Variants in DENND1A observed in about 807,000 individuals in gnomAD.
The protein encoded by DENND1A is DENN domain-containing protein 1A.
A neutral mutation model predicts 113.7 loss-of-function variants in DENND1A; 51 were observed. That is an observed-to-expected ratio of 0.45 (90% CI 0.36 to 0.57). The LOEUF (loss-of-function observed/expected upper bound fraction) is 0.57, where lower values mean the gene tolerates loss of function less well. Among genes scored for constraint, DENND1A ranks in the 20% least tolerant of loss-of-function variants. The pLI is 0.00. For missense variants in DENND1A, 1,258 were observed against 1,395.9 expected (o/e 0.90, Z 1.57); for synonymous variants, 565 against 570.8 (o/e 0.99, Z 0.14).
intron 14 of DENND1A, 150 bp downstream of exon 14, chr9:123,457,643 T>A (rs2048228106): frequency 1.3e-6 from 1 of 789,038 alleles, no homozygotes; most frequent in Admixed American, 2.6e-5. Context: ...GGTCAGTGAC[T>A]GCTCTCTTCA....
chr9:123,641,714 C>T (rs1037787610), intron 9 of DENND1A, among the ~76,000 whole-genome samples: 6 of 152,250 alleles, frequency 3.9e-5, no homozygotes, highest in African/African-American at 1.4e-4. Context: ...ATGAGTCTAA[C>T]GATGCAAAAT....
chr9:123,427,541 G>T (rs1040091660), intron 19 of DENND1A, among the ~76,000 whole-genome samples: 9 of 152,162 alleles, frequency 5.9e-5, no homozygotes, highest in Non-Finnish European at 1.2e-4. Flanking sequence ...CTGGTGCCCT[G>T]GTTAATGTCT....
At chr9:123,629,597 G>C (rs774291764) in intron 10 of DENND1A, among the ~76,000 whole-genome samples, 19 of 152,220 alleles carry the variant, frequency 1.2e-4, no homozygotes, top group South Asian at 2.1e-4. Context: ...TTTTACAGAT[G>C]AGTAAACAAA....
intron 13 of DENND1A, among the ~76,000 whole-genome samples, chr9:123,465,436 T>C (rs2048869896): frequency 6.6e-6 from 1 of 151,972 alleles, no homozygotes; most frequent in Admixed American, 6.6e-5. Context: ...AAGACCTGCA[T>C]TTGAACCTTG....
At chr9:123,909,448 C>T (rs540439938) in intron 1 of DENND1A, among the ~76,000 whole-genome samples, 1 of 149,744 alleles carries the variant, frequency 6.7e-6, no homozygotes, top group Non-Finnish European at 1.5e-5. Context: ...AAATTATAAT[C>T]GTCTCAAGAG....
chr9:123,763,016 G>A (rs1036471485), intron 4 of DENND1A, among the ~76,000 whole-genome samples: 6 of 152,054 alleles, frequency 3.9e-5, no homozygotes, highest in Non-Finnish European at 5.9e-5. Flanking sequence ...ACATTAAGCT[G>A]CTAGATAAAG....
chr9:123,673,624 G>T (rs551626256), intron 6 of DENND1A, among the ~76,000 whole-genome samples: 2 of 152,276 alleles, frequency 1.3e-5, no homozygotes, highest in East Asian at 3.9e-4. Flanking sequence ...TATTGCTCAT[G>T]CCAGGCCCTT....
intron 13 of DENND1A, among the ~76,000 whole-genome samples, chr9:123,514,369 A>G (rs752962922): frequency 1.9e-4 from 29 of 152,112 alleles, no homozygotes; most frequent in Non-Finnish European, 3.2e-4. Context: ...GTGGGTTGGC[A>G]TGGGATGTTG....
At chr9:123,693,018 C>G (rs987832259) in intron 5 of DENND1A, among the ~76,000 whole-genome samples, 1 of 152,210 alleles carries the variant, frequency 6.6e-6, no homozygotes, top group African/African-American at 2.4e-5. Flanking sequence ...GAAGTATGGT[C>G]TCTGGTTCCA....
chr9:123,883,699 A>T (rs1489556016), intron 1 of DENND1A, among the ~76,000 whole-genome samples: 1 of 152,204 alleles, frequency 6.6e-6, no homozygotes, highest in Non-Finnish European at 1.5e-5. Flanking sequence ...AATTTCAAAG[A>T]AAAAAGGCAT....
chr9:123,637,972 C>T (rs1405170657), intron 9 of DENND1A, among the ~76,000 whole-genome samples: 1 of 151,026 alleles, frequency 6.6e-6, no homozygotes, highest in Admixed American at 6.6e-5. Flanking sequence ...CACACACACA[C>T]ACCAAAAAAA....
intron 5 of DENND1A, among the ~76,000 whole-genome samples, chr9:123,715,391 C>T (rs954474874): frequency 6.6e-6 from 1 of 152,114 alleles, no homozygotes; most frequent in Non-Finnish European, 1.5e-5. Flanking sequence ...AGACTGTGAG[C>T]TGCCTGAAGA....
At chr9:123,595,793 G>A (rs1390681573) in intron 11 of DENND1A, among the ~76,000 whole-genome samples, 5 of 152,108 alleles carry the variant, frequency 3.3e-5, no homozygotes, top group South Asian at 2.1e-4. Flanking sequence ...TCAAGCAGAC[G>A]CTCGGTCAGT....
At chr9:123,774,259 G>C (rs1002506288) in intron 3 of DENND1A, among the ~76,000 whole-genome samples, 20 of 152,224 alleles carry the variant, frequency 1.3e-4, no homozygotes, top group African/African-American at 4.1e-4. Context: ...AACTCAAGTT[G>C]AAAGTTAAAA....
chr9:123,506,868 A>G (rs1408428662), intron 13 of DENND1A, among the ~76,000 whole-genome samples: 1 of 152,116 alleles, frequency 6.6e-6, no homozygotes, highest in Non-Finnish European at 1.5e-5. Context: ...GAACCCAGAG[A>G]TGGCTCAAAA....
At chr9:123,530,641 T>C (rs895974467) in intron 13 of DENND1A, among the ~76,000 whole-genome samples, 1 of 152,124 alleles carries the variant, frequency 6.6e-6, no homozygotes, top group Non-Finnish European at 1.5e-5. Flanking sequence ...GAAGATAAAA[T>C]TGCAATAACA....
chr9:123,675,515 C>G (rs1375640705), intron 6 of DENND1A, among the ~76,000 whole-genome samples: 1 of 152,072 alleles, frequency 6.6e-6, no homozygotes, highest in African/African-American at 2.4e-5. Flanking sequence ...TCAAATTGCT[C>G]AGAACGTTCA....
intron 13 of DENND1A, among the ~76,000 whole-genome samples, chr9:123,471,358 G>A (rs1225506705): frequency 6.6e-6 from 1 of 152,166 alleles, no homozygotes; most frequent in Non-Finnish European, 1.5e-5. Flanking sequence ...TCGAGGCATG[G>A]AAAGTGCCTA....
At chr9:123,408,461 C>A (rs1216977781) in intron 20 of DENND1A, among the ~76,000 whole-genome samples, 1 of 152,178 alleles carries the variant, frequency 6.6e-6, no homozygotes, top group Admixed American at 6.5e-5. Context: ...AACCTCATTA[C>A]CTTTACCAGG....
Sources: gnomAD v4.1 joint callset for allele counts (sites outside exome capture counted in the v4.1 genomes callset) on GRCh38, gnomAD v4.1.1 for gene constraint, MANE v1.5 for transcripts, NCBI Gene and HGNC (gene_info 2026-07-23, HGNC 2026-07-21) for gene names.